Variants in DCK observed in about 807,000 individuals in gnomAD.
The protein encoded by DCK is deoxyadenosine kinase.
DCK carries 23 observed loss-of-function variants against 38.3 expected under a neutral mutation model. That is an observed-to-expected ratio of 0.60 (90% CI 0.43 to 0.85). The LOEUF (loss-of-function observed/expected upper bound fraction) is 0.85. Ranked by LOEUF, DCK falls within the 40% of genes least tolerant of loss-of-function variation. DCK has a pLI of 0.00. For missense variants in DCK, 259 were observed against 304.4 expected (o/e 0.85, Z 1.11); for synonymous variants, 108 against 100.6 (o/e 1.07, Z -0.44).
rs574059710 is a variant in DCK, at chr4:71,021,353, G to C, written c.208-1014G>C. On this transcript the variant is annotated intron_variant, in intron 2 of 6. Coordinates refer to ENST00000286648, the MANE Select transcript of DCK (RefSeq NM_000788.3). ...GCCTCCCAAAGTGCTGGGATTACAG[G>C]CGTGAGCCACCGCGCCCGGCCTGCT... Among the ~76,000 whole-genome samples, 471 of 152,228 alleles carry C rather than the reference G, an allele frequency of 3.1e-3. 3 individuals are homozygous for C. Among genetic ancestry groups the C allele is most frequent in the Non-Finnish European group, 4.7e-3 (321 of 68,014 alleles).
intron 2 of DCK, among the ~76,000 whole-genome samples, chr4:71,021,886 C>T (rs1007247644): frequency 1.2e-4 from 19 of 152,156 alleles, no homozygotes; most frequent in Non-Finnish European, 2.2e-4. Flanking sequence ...CCTGTAGTCC[C>T]AGCTACTTGG....
chr4:71,011,373 T>C (rs1740086982), intron 2 of DCK, among the ~76,000 whole-genome samples: 1 of 151,994 alleles, frequency 6.6e-6, no homozygotes, highest in Non-Finnish European at 1.5e-5. Context: ...TGTTGGCTTG[T>C]ATTTTTTTGA....
rs1391830717 is a variant in DCK, at chr4:71,030,221, T to TA, written c.*844dup. 31 of 152,738 alleles carry TA rather than the reference T, an allele frequency of 2.0e-4. No individual in the cohort carries two copies. The highest frequency in any genetic ancestry group is 7.2e-4 in the African/African-American group (30 of 41,580). 9.5% of individuals were successfully genotyped at this position (152,738 alleles called of 1,614,324 possible). ...CATTAATTAATGAGACACACTTAACTACTTATCTCTAAACCATCTATGTGA... is the reference window on the plus strand; with the variant it reads ...CATTAATTAATGAGACACACTTAACTAACTTATCTCTAAACCATCTATGTGA... On this transcript the variant is annotated 3_prime_UTR_variant, in exon 7 of 7. Coordinates refer to ENST00000286648, the MANE Select transcript of DCK (RefSeq NM_000788.3).
rs139996153 is a variant in DCK at position 71,005,827 on chromosome 4, T to C, written c.207+7645T>C. On this transcript the variant is annotated intron_variant, in intron 2 of 6. Transcript: ENST00000286648. ...CTTCAGTGTCTTTTCACATTTTGTT[T>C]AAAAACAAGCAAATAAGGCCGGGTG... 2.6e-3 allele frequency among the ~76,000 whole-genome samples: 402 copies of C among 151,820 alleles called. 2 individuals are homozygous for C. Among genetic ancestry groups the C allele is most frequent in the South Asian group, 0.015 (70 of 4,798 alleles).
chr4:71,006,443 G>A (rs7672339), intron 2 of DCK: 1 of 202,308 alleles, frequency 4.9e-6, no homozygotes, highest in Non-Finnish European at 8.8e-6. Context: ...GCAAGGCCAG[G>A]TGTGGTGGTT....
At position 71,022,389 on chromosome 4, in the gene DCK, A is replaced by G; in HGVS notation, c.230A>G (p.Asn77Ser). The change falls in exon 3 of 7, where the codon AAT (asparagine) becomes AGT (serine). Residue 77 changes from asparagine (N) to serine (S), a missense_variant. Physicochemically the swap from Asn to Ser is conservative, Grantham distance 46 (BLOSUM62 1). This residue lies in a region of DCK where 159 missense variants were observed against 159.0 expected (regional missense o/e 1.00). Transcript: ENST00000286648. ...TAGGAACTTACAATGTCTCAGAAAA[A>G]TGGTGGGAATGTTCTTCAGATGATG... ...EFEELTMSQK[N>S]GGNVLQMMYE... The G allele has an allele frequency of 6.5e-7, 1 of 1,528,486 alleles. No individual in the cohort carries two copies. Among genetic ancestry groups the G allele is most frequent in the Non-Finnish European group, 8.8e-7 (1 of 1,139,942 alleles). 94.7% of individuals were successfully genotyped at this position (1,528,486 alleles called of 1,614,324 possible).
chr4:71,027,257 G>C (rs1469920959), intron 6 of DCK, among the ~76,000 whole-genome samples: 2 of 151,966 alleles, frequency 1.3e-5, no homozygotes, highest in African/African-American at 4.8e-5. Flanking sequence ...TTTTATGTTG[G>C]CCAAAGTCTT....
chr4:71,013,784 G>C (rs945774657), intron 2 of DCK, among the ~76,000 whole-genome samples: 1 of 152,110 alleles, frequency 6.6e-6, no homozygotes, highest in African/African-American at 2.4e-5. Flanking sequence ...AGGAACAAGC[G>C]GTACCAGCCA....
chr4:71,026,826 T>C, intron 6 of DCK, 71 bp downstream of exon 6: 2 of 729,824 alleles, frequency 2.7e-6, no homozygotes, highest in East Asian at 2.7e-5. Context: ...GAGAAAACAA[T>C]TTTCTAACAG....
At chr4:71,019,903 C>T (rs1342030100) in intron 2 of DCK, among the ~76,000 whole-genome samples, 3 of 152,160 alleles carry the variant, frequency 2.0e-5, no homozygotes, top group Admixed American at 6.5e-5. Flanking sequence ...TCTCCTGTCT[C>T]AGCCTCCCGA....
intron 2 of DCK, among the ~76,000 whole-genome samples, 179 bp downstream of exon 2, chr4:70,998,361 C>T (rs72553924): frequency 7.1e-4 from 107 of 151,442 alleles, no homozygotes; most frequent in African/African-American, 2.4e-3. Context: ...CAATGGGTTT[C>T]AGATTGATAT....
chr4:70,998,290 A>C (rs1739704809), intron 2 of DCK, 108 bp downstream of exon 2: 2 of 540,470 alleles, frequency 3.7e-6, no homozygotes, highest in Non-Finnish European at 6.5e-6. Context: ...ATCTCGCTTT[A>C]GGTATATATC....
At position 71,026,720 on chromosome 4, in the gene DCK, G is replaced by T. The variant is rs1740555142; in HGVS notation, c.721G>T (p.Asp241Tyr). 1 of 1,570,062 alleles carries T rather than the reference G, an allele frequency of 6.4e-7. No homozygotes were observed. Among genetic ancestry groups the T allele is most frequent in the Non-Finnish European group, 8.7e-7 (1 of 1,144,126 alleles). The change falls in exon 6 of 7, where the codon GAC becomes TAC. Residue 241 changes from aspartate to tyrosine, a missense_variant. Physicochemically the swap from Asp to Tyr is radical, Grantham distance 160 (BLOSUM62 -3). Around this residue, in one of 3 missense-constraint regions of DCK, gnomAD observed 82 missense variants for 103.8 expected, o/e 0.79. Coordinates refer to ENST00000286648, the MANE Select transcript of DCK (RefSeq NM_000788.3). ...TATCTTAACACTGGATGTTAATGAA[G>T]ACTTTAAAGACAAATATGAAAGTCT... is the stretch of plus-strand genomic sequence containing the variant. ...VPILTLDVNE[D>Y]FKDKYESLVE...
At chr4:71,010,927 T>C (rs1184741833) in intron 2 of DCK, among the ~76,000 whole-genome samples, 1 of 151,636 alleles carries the variant, frequency 6.6e-6, no homozygotes, top group Non-Finnish European at 1.5e-5. Context: ...TTTTTACTTT[T>C]AATAAGTCAT....
At chr4:71,020,738 T>C (rs1740393704) in intron 2 of DCK, among the ~76,000 whole-genome samples, 1 of 152,184 alleles carries the variant, frequency 6.6e-6, no homozygotes, top group African/African-American at 2.4e-5. Flanking sequence ...GATTTTTGCC[T>C]CCCATTCATT....
At chr4:71,025,075 G>A (rs1420106605) in intron 4 of DCK, among the ~76,000 whole-genome samples, 2 of 151,990 alleles carry the variant, frequency 1.3e-5, no homozygotes, top group Non-Finnish European at 2.9e-5. Flanking sequence ...ATTTAGGTTG[G>A]AGGCTTTTAT....
rs74938707 is a variant in DCK at position 71,026,935 on chromosome 4, C to T, written c.756+180C>T. On this transcript the variant is annotated intron_variant, in intron 6 of 6. Coordinates refer to ENST00000286648, the MANE Select transcript of DCK (RefSeq NM_000788.3). ...CCTGACTAAATTCTAGCTTTGTGGC[C>T]TGAGCTAAAATAAAGATCCTTCGGA... The T allele has an allele frequency of 6.9e-3, 2,505 of 362,522 alleles. 63 individuals are homozygous for T. Among genetic ancestry groups the T allele is most frequent in the African/African-American group, 0.049 (2,309 of 47,328 alleles). The allele number at this position is 362,522 out of a possible 1,614,324, so 22.5% of individuals were successfully genotyped here.
At chr4:71,009,825 T>G (rs2148914989) in intron 2 of DCK, among the ~76,000 whole-genome samples, 1 of 152,308 alleles carries the variant, frequency 6.6e-6, no homozygotes, top group East Asian at 1.9e-4. Context: ...GGTGGGTGGC[T>G]TCCCTGTATC....
intron 2 of DCK, among the ~76,000 whole-genome samples, chr4:71,016,213 A>C (rs1015482960): frequency 4.6e-5 from 7 of 152,336 alleles, no homozygotes; most frequent in South Asian, 2.1e-4. Flanking sequence ...ATACCTAGGA[A>C]TCCAACTTAC....
Sources: allele counts gnomAD v4.1 joint callset (sites outside exome capture counted in the v4.1 genomes callset), GRCh38; gene constraint gnomAD v4.1.1; regional missense constraint gnomAD v4.1.1; transcripts MANE v1.5; gene names NCBI Gene and HGNC (gene_info 2026-07-23, HGNC 2026-07-21).